PIK3C2G: variants seen among roughly 807,000 people sequenced by gnomAD.
PIK3C2G encodes phosphatidylinositol 3-kinase C2 domain-containing subunit gamma.
In PIK3C2G, 168 loss-of-function variants were observed where a neutral mutation model predicts 181.1. That is an observed-to-expected ratio of 0.93 (90% CI 0.82 to 1.05). The LOEUF is 1.05. PIK3C2G is among the 50% of genes least tolerant of loss of function. PIK3C2G has a pLI of 0.00. For synonymous variants in PIK3C2G, 573 were observed against 592.2 expected (o/e 0.97, Z 0.47); for missense variants, 1,869 against 1,732.8 (o/e 1.08, Z -1.40).
chr12:18,353,446 G>T (rs1168769921), intron 11 of PIK3C2G, among the ~76,000 whole-genome samples: 1 of 152,202 alleles, frequency 6.6e-6, no homozygotes, highest in East Asian at 1.9e-4. Context: ...TGTACCCCAA[G>T]CCGTTTCACT....
the PIK3C2G span, among the ~76,000 whole-genome samples, chr12:18,655,767 T>C: frequency 0.14 from 19,257 of 139,342 alleles, 1,462 homozygotes; most frequent in Middle Eastern, 0.22. Context: ...AAAAAAAAAA[T>C]CAGAACTGAC....
At chr12:18,693,711 T>G in the PIK3C2G span, 1 of 1,560,190 alleles carries the variant, frequency 6.4e-7, no homozygotes, top group Non-Finnish European at 8.8e-7. Context: ...ACGTTGGAAC[T>G]GCTGAACCAG....
At chr12:18,348,066 T>G (rs1310782735) in intron 11 of PIK3C2G, among the ~76,000 whole-genome samples, 1 of 152,034 alleles carries the variant, frequency 6.6e-6, no homozygotes, top group African/African-American at 2.4e-5. Flanking sequence ...TGTTTTCTTT[T>G]AATTTTCTAA....
At chr12:18,651,533 A>T (rs1950518233), downstream of PIK3C2G, among the ~76,000 whole-genome samples, 1 of 152,184 alleles carries the variant, frequency 6.6e-6, no homozygotes, top group African/African-American at 2.4e-5. Context: ...AGAGACTTAG[A>T]TCCAGGCAAG....
intron 1 of PIK3C2G, among the ~76,000 whole-genome samples, chr12:18,250,181 T>C (rs1350036388): frequency 1.3e-5 from 2 of 152,062 alleles, no homozygotes; most frequent in African/African-American, 4.8e-5. Context: ...TGAAAATAGA[T>C]TTATACATTT....
intron 8 of PIK3C2G, among the ~76,000 whole-genome samples, chr12:18,328,622 G>T (rs117929250): frequency 6.6e-6 from 1 of 151,764 alleles, no homozygotes; most frequent in Non-Finnish European, 1.5e-5. Flanking sequence ...TTTTGTATTC[G>T]ACCTTCCTCA....
intron 18 of PIK3C2G, among the ~76,000 whole-genome samples, chr12:18,477,083 C>T (rs1238200397): frequency 6.6e-6 from 1 of 152,058 alleles, no homozygotes; most frequent in African/African-American, 2.4e-5. Context: ...CCTCACATGG[C>T]CTTTCTCTGT....
intron 14 of PIK3C2G, among the ~76,000 whole-genome samples, chr12:18,388,370 A>C (rs1943312431): frequency 6.6e-6 from 1 of 152,164 alleles, no homozygotes; most frequent in African/African-American, 2.4e-5. Context: ...TCCATGGTTC[A>C]AGCGATTCTC....
chr12:18,368,200 A>C (rs1458092422), intron 12 of PIK3C2G, among the ~76,000 whole-genome samples: 2 of 152,176 alleles, frequency 1.3e-5, no homozygotes, highest in Non-Finnish European at 2.9e-5. Flanking sequence ...ATCTGTCTAC[A>C]AGGAATGTGT....
At chr12:18,419,777 A>G (rs1356733940) in intron 16 of PIK3C2G, among the ~76,000 whole-genome samples, 1 of 152,200 alleles carries the variant, frequency 6.6e-6, no homozygotes, top group Non-Finnish European at 1.5e-5. Context: ...TTTAATGAAG[A>G]AAAAATATGT....
At position 18,299,693 on chromosome 12, in the gene PIK3C2G, G is replaced by A. The variant is rs529837998; in HGVS notation, c.1034+5678G>A. On this transcript the variant is annotated intron_variant, in intron 5 of 32. Transcript: ENST00000538779. ...AATGGTGGGTTTGTCATATTATTAT[G>A]TTGAGGTATGTTATATTTATACCTA... 2.6e-4 allele frequency among the ~76,000 whole-genome samples: 40 copies of A among 151,872 alleles called. No individual in the cohort carries two copies. The South Asian group carries it at 7.5e-3, about 28-fold the overall frequency.
At chr12:18,332,433 G>A (rs545431945) in intron 8 of PIK3C2G, among the ~76,000 whole-genome samples, 2 of 152,218 alleles carry the variant, frequency 1.3e-5, no homozygotes, top group South Asian at 4.2e-4. Context: ...TGAGTCTCAG[G>A]ACTAGGACTC....
intron 29 of PIK3C2G, among the ~76,000 whole-genome samples, chr12:18,570,630 C>G (rs1173820710): frequency 1.3e-5 from 2 of 150,190 alleles, no homozygotes; most frequent in Admixed American, 1.3e-4. Context: ...AAGCAGGTTT[C>G]CCACAGGGAG....
chr12:18,369,085 C>A (rs1941844206), intron 12 of PIK3C2G, among the ~76,000 whole-genome samples: 1 of 152,174 alleles, frequency 6.6e-6, no homozygotes, highest in Non-Finnish European at 1.5e-5. Context: ...AATAATTTAA[C>A]ATCAAAGTTC....
chr12:18,539,163 G>A lies in PIK3C2G; in HGVS notation c.3480+851G>A, dbSNP rs201054949. Among the ~76,000 whole-genome samples the A allele has an allele frequency of 2.6e-5, 4 of 151,858 alleles. No individual in the cohort carries two copies. The East Asian group carries it at 5.8e-4, about 22-fold the overall frequency. The stretch of plus-strand genomic sequence containing the variant: ...AAACATGGCAGGCAGACCTTTCTGG[G>A]TTTCAATCCTAGTTTGGCATTTTAC... On this transcript the variant is annotated intron_variant, in intron 25 of 32. Coordinates refer to ENST00000538779, the MANE Select transcript of PIK3C2G (RefSeq NM_001288772.2).
intron 24 of PIK3C2G, among the ~76,000 whole-genome samples, chr12:18,507,705 A>G (rs182158077): frequency 8.5e-5 from 13 of 152,228 alleles, no homozygotes; most frequent in Admixed American, 5.2e-4. Flanking sequence ...TACACTGGCA[A>G]TTTGGAGTAC....
At chr12:18,648,952 A>C (rs613432), downstream of PIK3C2G, among the ~76,000 whole-genome samples, 25,614 of 152,102 alleles carry the variant, frequency 0.17, 2,695 homozygotes, top group African/African-American at 0.29. Flanking sequence ...GAATGAAAAA[A>C]AATCTAAGCT....
chr12:18,331,254 G>A (rs538344129), intron 8 of PIK3C2G, among the ~76,000 whole-genome samples: 1 of 152,220 alleles, frequency 6.6e-6, no homozygotes, highest in African/African-American at 2.4e-5. Context: ...ATAGATTGAT[G>A]TAAGGAAACT....
At chr12:18,718,301 C>T in the PIK3C2G span, among the ~76,000 whole-genome samples, 1 of 152,168 alleles carries the variant, frequency 6.6e-6, no homozygotes, top group Non-Finnish European at 1.5e-5. Context: ...TGCACTGCTA[C>T]ACCATCTTCC....
Sources: gnomAD v4.1 joint callset for allele counts (sites outside exome capture counted in the v4.1 genomes callset) on GRCh38, gnomAD v4.1.1 for gene constraint, MANE v1.5 for transcripts, NCBI Gene and HGNC (gene_info 2026-07-23, HGNC 2026-07-21) for gene names.